GSTA4: variants seen among roughly 807,000 people sequenced by gnomAD.
GSTA4 encodes glutathione S-transferase alpha 4.
GSTA4 carries 15 observed loss-of-function variants against 24.4 expected under a neutral mutation model. The ratio of observed to expected loss-of-function variants is 0.61; its 90% CI spans 0.41 to 0.95. GSTA4 has a LOEUF of 0.95. Among genes scored for constraint, GSTA4 ranks in the 40% least tolerant of loss-of-function variants. GSTA4 has a pLI of 0.00. For missense variants in GSTA4, 244 were observed against 262.1 expected (o/e 0.93, Z 0.48); for synonymous variants, 92 against 94.2 (o/e 0.98, Z 0.13).
intron 2 of GSTA4, among the ~76,000 whole-genome samples, chr6:52,988,945 G>A (rs894556430): frequency 6.6e-6 from 1 of 152,140 alleles, no homozygotes; most frequent in African/African-American, 2.4e-5. Flanking sequence ...CCTACTGGGG[G>A]GCTGTATTCC....
chr6:52,988,624 GAA>G (rs1175223217), intron 2 of GSTA4, among the ~76,000 whole-genome samples: 24 of 151,850 alleles, frequency 1.6e-4, no homozygotes, highest in Admixed American at 2.0e-4. Flanking sequence ...TCGAAGGCAT[GAA>G]AAAAAAGTCA....
chr6:52,986,564 C>T (rs533671849), intron 3 of GSTA4, among the ~76,000 whole-genome samples: 1 of 152,360 alleles, frequency 6.6e-6, no homozygotes, highest in African/African-American at 2.4e-5. Flanking sequence ...GAATCCAACA[C>T]TTTCCACATA....
chr6:52,985,366 TA>T, intron 4 of GSTA4, 84 bp downstream of exon 4: 2 of 1,287,712 alleles, frequency 1.6e-6, no homozygotes, highest in Non-Finnish European at 2.2e-6. Flanking sequence ...AGACATAAAG[TA>T]AATGTGGTGT....
At chr6:52,985,747 T>G (rs1276733977) in intron 3 of GSTA4, among the ~76,000 whole-genome samples, 164 bp from the exon 4 acceptor site, 1 of 152,154 alleles carries the variant, frequency 6.6e-6, no homozygotes, top group Non-Finnish European at 1.5e-5. Context: ...GAGAGCAGAT[T>G]TAGCCACAAA....
intron 2 of GSTA4, among the ~76,000 whole-genome samples, chr6:52,990,081 T>G (rs1247802597): frequency 1.3e-5 from 2 of 152,136 alleles, no homozygotes. Flanking sequence ...AGAAATGGTG[T>G]AAATCCTCCA....
chr6:52,982,285 G>C (rs1763465814), intron 6 of GSTA4, among the ~76,000 whole-genome samples: 1 of 152,098 alleles, frequency 6.6e-6, no homozygotes, highest in Non-Finnish European at 1.5e-5. Context: ...TCAGGAGACT[G>C]AGGTGGGAGG....
chr6:52,985,415 C>G, intron 4 of GSTA4, 36 bp downstream of exon 4: 7 of 1,599,822 alleles, frequency 4.4e-6, no homozygotes, highest in Non-Finnish European at 6.0e-6. Context: ...CATCAGTAAG[C>G]TGACAAGTGA....
chr6:52,988,954 C>A (rs1490585310), intron 2 of GSTA4, among the ~76,000 whole-genome samples: 3 of 152,070 alleles, frequency 2.0e-5, no homozygotes, highest in Non-Finnish European at 4.4e-5. Context: ...GGGCTGTATT[C>A]CCAGACAGTT....
At position 52,978,016 on chromosome 6, in the gene GSTA4, T is replaced by C. The variant is rs964554125; in HGVS notation, c.*454A>G. 1 of 154,092 alleles carries C rather than the reference T, an allele frequency of 6.5e-6. No individual in the cohort carries two copies. Among genetic ancestry groups the C allele is most frequent in the African/African-American group, 2.4e-5 (1 of 41,490 alleles). The allele number at this position is 154,092 out of a possible 1,614,324, so 9.5% of individuals were successfully genotyped here. On this transcript the variant is annotated 3_prime_UTR_variant, in exon 7 of 7. Transcript: ENST00000370963. ...GCATTCATTACTACCATTTTATTTATTACAGCTCAGAGGAGAGTCATTTAC... is the reference window on the plus strand; with the variant it reads ...GCATTCATTACTACCATTTTATTTACTACAGCTCAGAGGAGAGTCATTTAC...
chr6:52,984,483 T>A lies in GSTA4; in HGVS notation c.395A>T (p.Tyr132Phe), dbSNP rs756219236. Residue 132 changes from tyrosine (Y) to phenylalanine (F), a missense_variant, in exon 5 of 7, where the codon TAC becomes TTC. Transcript: ENST00000370963. Reference protein sequence around the residue: ...VNMAQKAIIRYFPVFEKILRG... With the variant: ...VNMAQKAIIRFFPVFEKILRG... ...ACCTACCTTTTCAAACACAGGAAAG[T>A]ATCTAATTATAGCCTTCTGGGCCAT... 1 of 1,612,928 alleles carries A rather than the reference T, an allele frequency of 6.2e-7. No homozygotes were observed. Among genetic ancestry groups the A allele is most frequent in the South Asian group, 1.1e-5 (1 of 90,736 alleles).
intron 6 of GSTA4, among the ~76,000 whole-genome samples, chr6:52,979,724 CTTAA>C (rs1257774920): frequency 1.3e-5 from 2 of 152,168 alleles, no homozygotes; most frequent in Non-Finnish European, 2.9e-5. Flanking sequence ...AAGGCACAGC[CTTAA>C]TTAAGCACAC....
At chr6:52,993,164 T>C (rs1289200628) in intron 2 of GSTA4, among the ~76,000 whole-genome samples, 1 of 152,218 alleles carries the variant, frequency 6.6e-6, no homozygotes, top group Non-Finnish European at 1.5e-5. Context: ...GTAGTTTAGT[T>C]AGTCATGCAC....
intron 2 of GSTA4, among the ~76,000 whole-genome samples, chr6:52,988,155 A>C (rs1763597613): frequency 6.6e-6 from 1 of 152,158 alleles, no homozygotes; most frequent in Admixed American, 6.5e-5. Context: ...GTGAAAGAGA[A>C]AGGCATGGAG....
rs769740840 is a variant in GSTA4 at position 52,994,160 on chromosome 6, G to A, written c.84C>T (p.Val28=). The change falls in exon 2 of 7, where the codon GTC becomes GTT. Residue 28 remains valine, a synonymous_variant. Transcript: ENST00000370963. The part of the protein sequence containing the change: ...SVRWVLAAAG[V]EFDEEFLETK... ...GAAGAAACAGCATATAAGGTACCTC[G>A]ACTCCGGCGGCAGCTAAAACCCATC... 7.5e-6 allele frequency: 12 copies of A among 1,601,958 alleles called. No homozygotes were observed. The South Asian group carries it at 1.2e-4, about 16-fold the overall frequency.
chr6:52,993,839 C>T, intron 2 of GSTA4: 1 of 387,810 alleles, frequency 2.6e-6, no homozygotes, highest in South Asian at 2.3e-5. Flanking sequence ...GAAATTTACC[C>T]TGAGAATGCA....
In GSTA4 at chr6:52,987,346, T is replaced by C. The variant is rs781590073; in HGVS notation, c.139+11A>G. The C allele has an allele frequency of 1.3e-5, 20 of 1,552,164 alleles. 1 individual carries two copies. The South Asian group carries it at 2.3e-4, about 18-fold the overall frequency. ...CAGTATTAGAGGCAGTTGTTTCATTTTCATACTCACCATCCTGCAACTTGT... is the reference window on the plus strand; with the variant it reads ...CAGTATTAGAGGCAGTTGTTTCATTCTCATACTCACCATCCTGCAACTTGT... On this transcript the variant is annotated intron_variant, in intron 3 of 6. Coordinates refer to ENST00000370963, the MANE Select transcript of GSTA4 (RefSeq NM_001512.4).
chr6:52,987,668 A>C (rs1763588897), intron 2 of GSTA4: 2 of 370,326 alleles, frequency 5.4e-6, no homozygotes, highest in East Asian at 5.4e-5. Context: ...ATGTGAAAAG[A>C]GGTTGGTTAA....
In GSTA4 at chr6:52,987,356, C is replaced by T; in HGVS notation, c.139+1G>A. On this transcript the variant is annotated splice_donor_variant, in intron 3 of 6. Coordinates refer to ENST00000370963, the MANE Select transcript of GSTA4 (RefSeq NM_001512.4). LOFTEE classifies it high-confidence loss of function. Reference sequence around the variant, plus strand: ...GGCAGTTGTTTCATTTTCATACTCACCATCCTGCAACTTGTACAACTGTTC... The same window carrying T: ...GGCAGTTGTTTCATTTTCATACTCATCATCCTGCAACTTGTACAACTGTTC... The T allele has an allele frequency of 1.3e-6, 2 of 1,579,242 alleles. No individual in the cohort carries two copies. Among genetic ancestry groups the T allele is most frequent in the Non-Finnish European group, 1.7e-6 (2 of 1,153,448 alleles).
rs1763581680 is a variant in GSTA4, at chr6:52,987,357, C to T, written c.139G>A (p.Gly47Ser). 1 of 1,579,674 alleles carries T rather than the reference C, an allele frequency of 6.3e-7. No homozygotes were observed. The highest frequency in any genetic ancestry group is 8.7e-7 in the Non-Finnish European group (1 of 1,154,050). Residue 47 changes from glycine (G) to serine (S), a missense_variant and splice_region_variant, in exon 3 of 7, where the codon GGT becomes AGT. Physicochemically the swap from Gly to Ser is moderately conservative, Grantham distance 56 (BLOSUM62 0). Transcript: ENST00000370963. The stretch of plus-strand genomic sequence containing the variant: ...GCAGTTGTTTCATTTTCATACTCAC[C>T]ATCCTGCAACTTGTACAACTGTTCT... Reference protein sequence around the residue: ...TKEQLYKLQDGNHLLFQQVPM... With the variant: ...TKEQLYKLQDSNHLLFQQVPM...
Sources: allele counts gnomAD v4.1 joint callset (sites outside exome capture counted in the v4.1 genomes callset), GRCh38; gene constraint gnomAD v4.1.1; transcripts MANE v1.5; gene names NCBI Gene and HGNC (gene_info 2026-07-23, HGNC 2026-07-21).